The following ZBTB38 variants were observed in gnomAD, a reference collection of about 807,000 sequenced individuals.
The protein encoded by ZBTB38 is zinc finger and BTB domain-containing protein 38.
In ZBTB38, 20 loss-of-function variants were observed where a neutral mutation model predicts 76.8. That is an observed-to-expected ratio of 0.26 (90% CI 0.18 to 0.38). The LOEUF is 0.38. Among genes scored for constraint, ZBTB38 ranks in the 10% least tolerant of loss-of-function variants. The pLI is 1.00. For missense variants in ZBTB38, 1,082 were observed against 1,482.3 expected (o/e 0.73, Z 4.43); for synonymous variants, 504 against 544.2 (o/e 0.93, Z 1.03).
In ZBTB38 at chr3:141,443,278, G is replaced by C. The variant is rs756528499; in HGVS notation, c.890G>C (p.Ser297Thr). The C allele has an allele frequency of 6.2e-7, 1 of 1,614,192 alleles. No individual in the cohort carries two copies. The highest frequency in any genetic ancestry group is 8.5e-7 in the Non-Finnish European group (1 of 1,180,038). The stretch of plus-strand genomic sequence containing the variant: ...AACTTAGAGGTTAATCAAGAAAGAA[G>C]TCCACAACCAGCTGCTGTTCTCACT... ...VSNLEVNQERSPQPAAVLTRS... is the reference protein window; with the variant it reads ...VSNLEVNQERTPQPAAVLTRS... The change falls in exon 6 of 6, where the codon AGT becomes ACT. Residue 297 changes from serine (S) to threonine (T), a missense_variant. Transcript: ENST00000321464. The surrounding 1 kb of genome is among the most constrained non-coding windows in gnomAD (Gnocchi z 5.6).
intron 5 of ZBTB38, among the ~76,000 whole-genome samples, chr3:141,417,670 A>G (rs1052496324): frequency 1.3e-5 from 2 of 152,170 alleles, no homozygotes; most frequent in African/African-American, 4.8e-5. Context: ...TCATTCCTAT[A>G]TTAAATCTTT....
intron 5 of ZBTB38, among the ~76,000 whole-genome samples, chr3:141,421,314 A>C (rs1245438061): frequency 2.1e-5 from 3 of 140,290 alleles, no homozygotes. Context: ...TTTAACTAAG[A>C]CTGGGTCTTG....
intron 5 of ZBTB38, among the ~76,000 whole-genome samples, chr3:141,410,862 C>A (rs1326894681): frequency 6.6e-6 from 1 of 152,004 alleles, no homozygotes; most frequent in African/African-American, 2.4e-5. Flanking sequence ...GCTTGCGCAC[C>A]CCTATTTTTC....
chr3:141,334,456 C>CCTTCCTTCCTTCTTTCCTTT (rs1942955630), intron 1 of ZBTB38, among the ~76,000 whole-genome samples: 3 of 93,938 alleles, frequency 3.2e-5, no homozygotes, highest in African/African-American at 1.6e-4. Flanking sequence ...TTCCTTTCTT[C>CCTTCCTTCCTTCTTTCCTTT]CTTCCTTCCT....
At chr3:141,362,473 AAT>A (rs1943850553) in intron 1 of ZBTB38, among the ~76,000 whole-genome samples, 1 of 152,248 alleles carries the variant, frequency 6.6e-6, no homozygotes, top group African/African-American at 2.4e-5. Context: ...AAACATTTTT[AAT>A]CCAACATTTA....
chr3:141,421,817 G>A (rs16851412), intron 5 of ZBTB38, among the ~76,000 whole-genome samples: 4,325 of 152,344 alleles, frequency 0.028, 157 homozygotes, highest in East Asian at 0.18. Context: ...AACATCCCAA[G>A]CTCTGGTCAT....
rs902099811 is a variant in ZBTB38 at position 141,449,459 on chromosome 3, GA to G, written c.*3490del. On this transcript the variant is annotated 3_prime_UTR_variant, in exon 6 of 6. Coordinates refer to ENST00000321464, the MANE Select transcript of ZBTB38 (RefSeq NM_001376113.1). Reference sequence around the variant, plus strand: ...TATAAGCTGGTAATTTTCACACAAAGAAAAAAATACGTTCCGTCGTCACAGA... The same window carrying G: ...TATAAGCTGGTAATTTTCACACAAAGAAAAAATACGTTCCGTCGTCACAGA... The G allele has an allele frequency of 7.9e-5, 12 of 152,136 alleles. No individual in the cohort carries two copies. The highest frequency in any genetic ancestry group is 2.9e-4 in the African/African-American group (12 of 41,522). The allele number at this position is 152,136 out of a possible 1,614,324, so 9.4% of individuals were successfully genotyped here.
At chr3:141,352,751 C>T (rs1375580005) in intron 1 of ZBTB38, among the ~76,000 whole-genome samples, 1 of 151,964 alleles carries the variant, frequency 6.6e-6, no homozygotes, top group Non-Finnish European at 1.5e-5. Context: ...CCTGTATTTT[C>T]CCCAGATGAA....
Position 141,446,085 on chromosome 3 carries a change from A to T in ZBTB38, c.*109A>T. 1 of 836,954 alleles carries T rather than the reference A, an allele frequency of 1.2e-6. No homozygotes were observed. 51.8% of individuals were successfully genotyped at this position (836,954 alleles called of 1,614,324 possible). A position where few individuals can be genotyped will look rare whatever the true frequency, so the allele number is the denominator to read the frequency against. On this transcript the variant is annotated 3_prime_UTR_variant, in exon 6 of 6. Transcript: ENST00000321464. The stretch of plus-strand genomic sequence containing the variant: ...TGACAGTCATGAAGGAGTGAAATTA[A>T]AAAAAAAAAAAACTCATTTGTGAAA...
At chr3:141,347,807 A>C (rs931021173) in intron 1 of ZBTB38, among the ~76,000 whole-genome samples, 5 of 152,218 alleles carry the variant, frequency 3.3e-5, no homozygotes, top group African/African-American at 1.2e-4. Context: ...CATTGGTAAC[A>C]CCATCTCCTC....
At chr3:141,403,556 A>T (rs1019405762) in intron 4 of ZBTB38, among the ~76,000 whole-genome samples, 7 of 152,256 alleles carry the variant, frequency 4.6e-5, no homozygotes, top group Non-Finnish European at 1.0e-4. Context: ...TTTTCGGTTT[A>T]TATAATGTAA....
rs150786396 is a variant in ZBTB38, at chr3:141,430,052, C to T, written c.1-12337C>T. Among the ~76,000 whole-genome samples, 780 of 151,704 alleles carry T rather than the reference C, an allele frequency of 5.1e-3. 9 individuals carry two copies. Among genetic ancestry groups the T allele is most frequent in the African/African-American group, 0.018 (722 of 41,140 alleles). ...GATCTCATTTGTGGGTTTGTTTTTT[C>T]GTTTTTTGTTTTGTTTTGTTTTGTT... On this transcript the variant is annotated intron_variant, in intron 5 of 5. Transcript: ENST00000321464.
intron 1 of ZBTB38, among the ~76,000 whole-genome samples, chr3:141,336,159 G>A (rs996813913): frequency 1.3e-5 from 2 of 152,104 alleles, no homozygotes; most frequent in African/African-American, 4.8e-5. Flanking sequence ...TACTTGGAAG[G>A]CTCTCAGTCT....
intron 1 of ZBTB38, among the ~76,000 whole-genome samples, chr3:141,330,661 G>C (rs1488708183): frequency 6.6e-6 from 1 of 152,184 alleles, no homozygotes; most frequent in Admixed American, 6.5e-5. Flanking sequence ...CAAAATTCAC[G>C]TGGAAACTTA....
intron 1 of ZBTB38, among the ~76,000 whole-genome samples, chr3:141,335,354 A>G (rs774477968): frequency 6.6e-6 from 1 of 152,250 alleles, no homozygotes; most frequent in Non-Finnish European, 1.5e-5. Context: ...TCCCATGCCT[A>G]TTATCCACAA....
chr3:141,408,399 T>C (rs925706323), intron 5 of ZBTB38, among the ~76,000 whole-genome samples: 3 of 152,090 alleles, frequency 2.0e-5, no homozygotes, highest in Non-Finnish European at 4.4e-5. Context: ...ATACAAAAAT[T>C]AGCCAGGCAT....
Position 141,443,315 on chromosome 3 carries a change from T to G in ZBTB38, c.927T>G (p.Ser309=). 6.2e-7 allele frequency: 1 copy of G among 1,614,122 alleles called. No individual in the cohort carries two copies. The highest frequency in any genetic ancestry group is 1.1e-5 in the South Asian group (1 of 91,086). ...CTGCTGTTCTCACTCGTTCAAAATC[T>G]CCAAACAATGAAGGAGATGTCCATT... is the stretch of plus-strand genomic sequence containing the variant. ...QPAAVLTRSK[S]PNNEGDVHFS... Residue 309 remains serine, a synonymous_variant, in exon 6 of 6, where the codon TCT becomes TCG. Transcript: ENST00000321464. The surrounding 1 kb of genome is among the most constrained non-coding windows in gnomAD (Gnocchi z 5.6).
At chr3:141,401,452 T>C (rs1951913809) in intron 4 of ZBTB38, among the ~76,000 whole-genome samples, 1 of 152,190 alleles carries the variant, frequency 6.6e-6, no homozygotes, top group African/African-American at 2.4e-5. Flanking sequence ...TTATTTAAAA[T>C]GTTTTGTTGG....
chr3:141,444,823 C>A lies in ZBTB38; in HGVS notation c.2435C>A (p.Thr812Asn), dbSNP rs200934918. The change falls in exon 6 of 6, where the codon ACC becomes AAC. Residue 812 changes from threonine (T) to asparagine (N), a missense_variant. By Grantham distance (65) the Thr-to-Asn change is moderately conservative. This residue lies in a region of ZBTB38 where 471 missense variants were observed against 581.0 expected (regional missense o/e 0.81). Transcript: ENST00000321464. The surrounding 1 kb of genome is among the most constrained non-coding windows in gnomAD (Gnocchi z 5.1). ...AAAACCACAAATATTGCTGAAGAAA[C>A]CAGCAAAATTGAAACCTACATTGCA... ...LSKTTNIAEE[T>N]SKIETYIAKP... The A allele has an allele frequency of 1.4e-4, 220 of 1,613,988 alleles. No individual in the cohort carries two copies. The highest frequency in any genetic ancestry group is 1.8e-4 in the Non-Finnish European group (208 of 1,180,046).
Sources: gnomAD v4.1 joint callset for allele counts (sites outside exome capture counted in the v4.1 genomes callset) on GRCh38, gnomAD v4.1.1 for gene constraint, gnomAD v4.1.1 regional missense constraint, Gnocchi (gnomAD v3.1) non-coding constraint, MANE v1.5 for transcripts, NCBI Gene and HGNC (gene_info 2026-07-23, HGNC 2026-07-21) for gene names.